Variants in SMARCA2 observed in about 807,000 individuals in gnomAD.
The protein encoded by SMARCA2 is SWI/SNF-related matrix-associated actin-dependent regulator of chromatin subfamily A member 2.
In SMARCA2, 61 loss-of-function variants were observed where a neutral mutation model predicts 199.8. The ratio of observed to expected loss-of-function variants is 0.31; its 90% CI spans 0.25 to 0.38. The LOEUF (loss-of-function observed/expected upper bound fraction) is 0.38. SMARCA2 is among the 10% of genes least tolerant of loss of function. SMARCA2 has a pLI of 1.00. For missense variants in SMARCA2, 1,344 were observed against 2,012.2 expected (o/e 0.67, Z 6.35); for synonymous variants, 935 against 732.0 (o/e 1.28, Z -4.48).
At chr9:2,018,744 C>T (rs747864740) in intron 1 of SMARCA2, among the ~76,000 whole-genome samples, 1 of 152,184 alleles carries the variant, frequency 6.6e-6, no homozygotes, top group Non-Finnish European at 1.5e-5. Context: ...CCATTGAGAA[C>T]CCTAATAATA....
chr9:2,022,008 G>T (rs1471159738), intron 1 of SMARCA2: 1 of 148,406 alleles, frequency 6.7e-6, no homozygotes, highest in African/African-American at 2.6e-5. Context: ...CTGAAGGAAC[G>T]TGGAAAGACC....
chr9:2,144,295 G>C (rs938759841), intron 27 of SMARCA2, among the ~76,000 whole-genome samples: 2 of 152,086 alleles, frequency 1.3e-5, no homozygotes, highest in East Asian at 3.9e-4. Context: ...GTTTCTGTTG[G>C]CGACCCCTGC....
In SMARCA2 at chr9:2,056,622, G is replaced by C. The variant is rs1325047564; in HGVS notation, c.1174-50G>C. On this transcript the variant is annotated intron_variant, in intron 6 of 33. Coordinates refer to ENST00000349721, the MANE Select transcript of SMARCA2 (RefSeq NM_003070.5). This position sits in a 1 kb window ranked among gnomAD's most constrained non-coding sequence, Gnocchi z 4.0. ...CAACCGCGAGAAGGCCAGAGTTCAG[G>C]AACCTAGCTTCTGTTAGGGAAGGCT... is the stretch of plus-strand genomic sequence containing the variant. 1 of 1,561,932 alleles carries C rather than the reference G, an allele frequency of 6.4e-7. No individual in the cohort carries two copies. The highest frequency in any genetic ancestry group is 1.2e-5 in the South Asian group (1 of 85,044).
At chr9:2,024,998 A>G (rs543830637) in intron 1 of SMARCA2, among the ~76,000 whole-genome samples, 104 of 152,292 alleles carry the variant, frequency 6.8e-4, no homozygotes, top group African/African-American at 2.4e-3. Context: ...AAGTTTTGTC[A>G]TGGTTGGAGT....
At chr9:2,095,762 C>A (rs796210283) in intron 19 of SMARCA2, among the ~76,000 whole-genome samples, 69 of 152,356 alleles carry the variant, frequency 4.5e-4, no homozygotes, top group African/African-American at 1.6e-3. Flanking sequence ...GATCATTTTA[C>A]ATCAGTTTAT....
intron 28 of SMARCA2, among the ~76,000 whole-genome samples, chr9:2,163,546 G>C (rs1431842418): frequency 6.6e-6 from 1 of 152,198 alleles, no homozygotes; most frequent in Non-Finnish European, 1.5e-5. Context: ...CTAGAAGCCA[G>C]CTTGGATTAT....
intron 4 of SMARCA2, chr9:2,045,678 T>G (rs1231610124): frequency 6.6e-6 from 1 of 151,858 alleles, no homozygotes; most frequent in Non-Finnish European, 1.5e-5. Flanking sequence ...AAAAATAAAA[T>G]GAAGTGCATT....
intron 27 of SMARCA2, among the ~76,000 whole-genome samples, chr9:2,134,960 G>T (rs770461019): frequency 6.6e-6 from 1 of 151,910 alleles, no homozygotes; most frequent in Non-Finnish European, 1.5e-5. Flanking sequence ...CTATATTAGG[G>T]TTATCCACAG....
chr9:2,147,691 C>CAA (rs1215297665), intron 27 of SMARCA2, among the ~76,000 whole-genome samples: 266 of 150,676 alleles, frequency 1.8e-3, no homozygotes, highest in Non-Finnish European at 2.6e-3. Context: ...ACTAAAAATA[C>CAA]GAAAATTAGC....
intron 1 of SMARCA2, among the ~76,000 whole-genome samples, chr9:2,027,029 C>G (rs1267667794): frequency 6.6e-6 from 1 of 152,188 alleles, no homozygotes; most frequent in African/African-American, 2.4e-5. Flanking sequence ...TAGCCTTTGA[C>G]TGCTTCCTGT....
intron 27 of SMARCA2, chr9:2,158,750 A>G: frequency 2.2e-6 from 1 of 456,878 alleles, no homozygotes; most frequent in Non-Finnish European, 3.9e-6. Flanking sequence ...ACAGTTTAAA[A>G]TCTCCATGAA....
At chr9:2,168,157 G>A (rs956989043) in intron 28 of SMARCA2, among the ~76,000 whole-genome samples, 9 of 151,840 alleles carry the variant, frequency 5.9e-5, no homozygotes, top group South Asian at 4.2e-4. Flanking sequence ...GATTATGGGC[G>A]TGCACCACGA....
At chr9:2,019,796 C>T (rs1185723991) in intron 1 of SMARCA2, among the ~76,000 whole-genome samples, 1 of 150,824 alleles carries the variant, frequency 6.6e-6, no homozygotes, top group Non-Finnish European at 1.5e-5. Flanking sequence ...AAAAGTGGTG[C>T]TGTCCTCCAG....
intron 9 of SMARCA2, among the ~76,000 whole-genome samples, chr9:2,069,420 G>A (rs889876759): frequency 2.7e-4 from 41 of 151,800 alleles, no homozygotes; most frequent in African/African-American, 5.1e-4. Context: ...TTAGCCGGGC[G>A]TGGTGGCGGT....
intron 27 of SMARCA2, chr9:2,159,950 A>G (rs898309797): frequency 5.7e-6 from 9 of 1,583,318 alleles, no homozygotes; most frequent in Non-Finnish European, 7.7e-6. Context: ...GATTCAGTAG[A>G]ACTACATCCC....
In SMARCA2 at chr9:2,056,009, A is replaced by T. The variant is rs1820336661; in HGVS notation, c.1174-663A>T. Among the ~76,000 whole-genome samples, 1 of 152,252 alleles carries T rather than the reference A, an allele frequency of 6.6e-6. No homozygotes were observed. Among genetic ancestry groups the T allele is most frequent in the African/African-American group, 2.4e-5 (1 of 41,472 alleles). ...ATATTTCAGATGCAGTGGAATGATTATTTAATGTGTATTCTCCAGTCCCTA... is the reference window on the plus strand; with the variant it reads ...ATATTTCAGATGCAGTGGAATGATTTTTTAATGTGTATTCTCCAGTCCCTA... On this transcript the variant is annotated intron_variant, in intron 6 of 33. Transcript: ENST00000349721. This position sits in a 1 kb window ranked among gnomAD's most constrained non-coding sequence, Gnocchi z 4.0.
chr9:2,160,734 T>C (rs1022167001), intron 27 of SMARCA2: 7 of 479,634 alleles, frequency 1.5e-5, no homozygotes, highest in Non-Finnish European at 2.3e-5. Flanking sequence ...AGTTATTTTG[T>C]GTGAGAGAGC....
At chr9:2,181,980 G>GACTT (rs1827063259) in intron 30 of SMARCA2, among the ~76,000 whole-genome samples, 161 bp from the exon 31 acceptor site, 1 of 152,184 alleles carries the variant, frequency 6.6e-6, no homozygotes, top group African/African-American at 2.4e-5. Context: ...TGGGAGGGTG[G>GACTT]ACTTGGTGAA....
chr9:2,180,796 A>G (rs1427200715), intron 29 of SMARCA2, among the ~76,000 whole-genome samples: 2 of 152,214 alleles, frequency 1.3e-5, no homozygotes, highest in Non-Finnish European at 2.9e-5. Context: ...CAAAAATGCT[A>G]AGCATTTGTT....
Sources: gnomAD v4.1 joint callset for allele counts (sites outside exome capture counted in the v4.1 genomes callset) on GRCh38, gnomAD v4.1.1 for gene constraint, Gnocchi (gnomAD v3.1) non-coding constraint, MANE v1.5 for transcripts, NCBI Gene and HGNC (gene_info 2026-07-23, HGNC 2026-07-21) for gene names.